The following HDAC4 variants were observed in gnomAD, a reference collection of about 807,000 sequenced individuals.
The protein encoded by HDAC4 is histone deacetylase 4, also known as histone deacetylase A.
Under a neutral mutation model 135.1 loss-of-function variants are expected in HDAC4, and 16 were observed. The observed-to-expected ratio is 0.12, with a 90% CI of 0.08 to 0.18. The LOEUF is 0.18. HDAC4 is among the 10% of genes least tolerant of loss of function. HDAC4 has a pLI of 1.00. For missense variants in HDAC4, 1,143 were observed against 1,511.8 expected, an observed-to-expected ratio of 0.76 and a Z score of 4.05; for synonymous variants, 685 against 653.4, an observed-to-expected ratio of 1.05 and a Z score of -0.74.
intron 2 of HDAC4, among the ~76,000 whole-genome samples, chr2:239,292,517 C>A (rs2051585568): frequency 6.6e-6 from 1 of 152,188 alleles, no homozygotes; most frequent in Non-Finnish European, 1.5e-5. Flanking sequence ...ACCAGTACCC[C>A]TGTGGGCATA....
chr2:239,174,987 A>G (rs987904667), intron 5 of HDAC4, among the ~76,000 whole-genome samples: 14 of 152,180 alleles, frequency 9.2e-5, no homozygotes, highest in African/African-American at 3.4e-4. Context: ...GGGAAGGGGG[A>G]AGTGCATAAG....
intron 2 of HDAC4, among the ~76,000 whole-genome samples, chr2:239,278,165 A>T (rs1017102553): frequency 7.7e-6 from 1 of 129,392 alleles, no homozygotes; most frequent in African/African-American, 3.3e-5. Context: ...TTTTCAAATT[A>T]TCCCACCATT....
intron 5 of HDAC4, among the ~76,000 whole-genome samples, chr2:239,173,454 T>C (rs2043574928): frequency 6.6e-6 from 1 of 151,980 alleles, no homozygotes; most frequent in Admixed American, 6.6e-5. Flanking sequence ...AAAATCAATA[T>C]CCATTCATAT....
chr2:239,285,780 T>C lies in HDAC4; in HGVS notation c.23-49116A>G, dbSNP rs1379379168. On this transcript the variant is annotated intron_variant, in intron 2 of 26. Transcript: ENST00000543185. This position sits in a 1 kb window ranked among gnomAD's most constrained non-coding sequence, Gnocchi z 4.5. ...AAAGCAACTCGAGCTGACAGGAGAG[T>C]TGAGGGCAGCGGGTGGAGGACTGCA... Among the ~76,000 whole-genome samples the C allele has an allele frequency of 6.7e-6, 1 of 150,294 alleles. No individual in the cohort carries two copies. The highest frequency in any genetic ancestry group is 1.5e-5 in the Non-Finnish European group (1 of 67,304).
intron 1 of HDAC4, among the ~76,000 whole-genome samples, chr2:239,369,258 C>T (rs572361212): frequency 9.8e-5 from 15 of 152,296 alleles, no homozygotes; most frequent in African/African-American, 3.4e-4. Context: ...GAACTGCCCA[C>T]AGTTCTGAGT....
chr2:239,066,181 G>A (rs2033453894), intron 24 of HDAC4, among the ~76,000 whole-genome samples: 1 of 152,140 alleles, frequency 6.6e-6, no homozygotes, highest in Non-Finnish European at 1.5e-5. Context: ...GGTCTCAGAG[G>A]CCAGCTGTAC....
At chr2:239,096,494 C>T (rs183505696) in intron 16 of HDAC4, among the ~76,000 whole-genome samples, 5,242 of 115,754 alleles carry the variant, frequency 0.045, 656 homozygotes, top group African/African-American at 0.19. Flanking sequence ...CCCCCCGCCC[C>T]GCCCCCATGG....
At position 239,141,001 on chromosome 2, in the gene HDAC4, A is replaced by G. The variant is rs909369729; in HGVS notation, c.866-1205T>C. ...CAGCTCCCCCAACCTGGCAGACCTG[A>G]TTCCAAACTTTGCCTTTATTAGCTC... is the stretch of plus-strand genomic sequence containing the variant. On this transcript the variant is annotated intron_variant, in intron 8 of 26. Coordinates refer to ENST00000543185, the MANE Select transcript of HDAC4 (RefSeq NM_001378414.1). The surrounding 1 kb of genome is among the most constrained non-coding windows in gnomAD (Gnocchi z 4.9). The G allele has an allele frequency of 2.6e-6, 1 of 383,400 alleles. No individual in the cohort carries two copies. Among genetic ancestry groups the G allele is most frequent in the African/African-American group, 2.1e-5 (1 of 46,544 alleles). 23.7% of individuals were successfully genotyped at this position (383,400 alleles called of 1,614,324 possible). A position where few individuals can be genotyped will look rare whatever the true frequency, so the allele number is the denominator to read the frequency against.
intron 3 of HDAC4, among the ~76,000 whole-genome samples, chr2:239,215,949 TA>T (rs1183046387): frequency 1.3e-5 from 2 of 152,226 alleles, no homozygotes; most frequent in Non-Finnish European, 2.9e-5. Context: ...GCTGGACTCA[TA>T]AAAGTTATGA....
rs537448625 is a variant in HDAC4 at position 239,299,207 on chromosome 2, G to A, written c.22+53471C>T. On this transcript the variant is annotated intron_variant, in intron 2 of 26. Coordinates refer to ENST00000543185, the MANE Select transcript of HDAC4 (RefSeq NM_001378414.1). The surrounding 1 kb of genome is among the most constrained non-coding windows in gnomAD (Gnocchi z 4.0). ...TTCCAAATATCCAAAACCTGGAACTGGGGGCAGCCTGCCACCATGAATATC... is the reference window on the plus strand; with the variant it reads ...TTCCAAATATCCAAAACCTGGAACTAGGGGCAGCCTGCCACCATGAATATC... 1.9e-4 allele frequency among the ~76,000 whole-genome samples: 29 copies of A among 152,188 alleles called. No individual in the cohort carries two copies. Among genetic ancestry groups the A allele is most frequent in the African/African-American group, 6.3e-4 (26 of 41,534 alleles).
At chr2:239,231,463 A>ATGG (rs2047551061) in intron 3 of HDAC4, among the ~76,000 whole-genome samples, 1 of 151,586 alleles carries the variant, frequency 6.6e-6, no homozygotes, top group Non-Finnish European at 1.5e-5. Flanking sequence ...CTGTAGGAGC[A>ATGG]GTGGGGGGCA....
chr2:239,241,803 A>G (rs1262497402), intron 2 of HDAC4, among the ~76,000 whole-genome samples: 2 of 152,166 alleles, frequency 1.3e-5, no homozygotes, highest in Non-Finnish European at 2.9e-5. Context: ...AGTGTTATTA[A>G]GAGGTCTTAT....
chr2:239,188,268 C>T (rs2044684140), intron 4 of HDAC4, among the ~76,000 whole-genome samples: 1 of 152,224 alleles, frequency 6.6e-6, no homozygotes, highest in Non-Finnish European at 1.5e-5. Context: ...CAATCTGCCA[C>T]TAAGTCTACA....
intron 11 of HDAC4, among the ~76,000 whole-genome samples, chr2:239,127,811 G>A (rs1355963602): frequency 6.6e-6 from 1 of 152,196 alleles, no homozygotes; most frequent in African/African-American, 2.4e-5. Context: ...TGGCCCTGCC[G>A]GCAAGTGGCA....
intron 4 of HDAC4, among the ~76,000 whole-genome samples, chr2:239,182,620 A>G (rs1243590632): frequency 3.3e-5 from 5 of 152,182 alleles, no homozygotes; most frequent in Non-Finnish European, 7.3e-5. Context: ...GTAGGGAGGC[A>G]TTCCACCTTA....
chr2:239,379,483 T>C (rs547703697), intron 1 of HDAC4, among the ~76,000 whole-genome samples: 2 of 152,080 alleles, frequency 1.3e-5, no homozygotes, highest in Non-Finnish European at 2.9e-5. Context: ...CCCAGCCCCA[T>C]CAAGGTCTGC....
At chr2:239,066,553 A>G (rs543427483) in intron 24 of HDAC4, among the ~76,000 whole-genome samples, 169 bp downstream of exon 24, 2 of 152,046 alleles carry the variant, frequency 1.3e-5, no homozygotes, top group South Asian at 4.2e-4. Context: ...CGGTTCTGCC[A>G]CATTTAGAGC....
intron 2 of HDAC4, among the ~76,000 whole-genome samples, chr2:239,329,544 G>A (rs1018976978): frequency 5.1e-5 from 7 of 136,598 alleles, no homozygotes; most frequent in Non-Finnish European, 1.1e-4. Flanking sequence ...TTCCTGCTCC[G>A]GCTGGGGGAG....
chr2:239,326,586 A>T (rs1394177214), intron 2 of HDAC4, among the ~76,000 whole-genome samples: 1 of 152,256 alleles, frequency 6.6e-6, no homozygotes, highest in African/African-American at 2.4e-5. Context: ...TGGTAGACAG[A>T]AACAACACCC....
Sources: allele counts gnomAD v4.1 joint callset (sites outside exome capture counted in the v4.1 genomes callset), GRCh38; gene constraint gnomAD v4.1.1; non-coding constraint Gnocchi (gnomAD v3.1); transcripts MANE v1.5; gene names NCBI Gene and HGNC (gene_info 2026-07-23, HGNC 2026-07-21).